The following TCEA1 variants were observed in gnomAD, a reference collection of about 807,000 sequenced individuals.
TCEA1 encodes transcription elongation factor A1.
TCEA1 carries 21 observed loss-of-function variants against 43.8 expected under a neutral mutation model. That is an observed-to-expected ratio of 0.48 (90% CI 0.34 to 0.69). The LOEUF is 0.69. Among genes scored for constraint, TCEA1 ranks in the 30% least tolerant of loss-of-function variants. TCEA1 has a pLI of 0.01. For missense variants in TCEA1, 250 were observed against 365.1 expected (o/e 0.68, Z 2.57); for synonymous variants, 104 against 117.5 (o/e 0.88, Z 0.75).
At chr8:53,993,782 G>C (rs1756246058) in intron 3 of TCEA1, 27 bp from the exon 4 acceptor site, 2 of 1,583,814 alleles carry the variant, frequency 1.3e-6, no homozygotes, top group Non-Finnish European at 1.7e-6. Context: ...CTCTTAAGTT[G>C]CTAGCATTTG....
rs1586017321 is a variant in TCEA1, at chr8:53,997,198, A to G, written c.232+2747T>C. Among the ~76,000 whole-genome samples the G allele has an allele frequency of 3.3e-5, 5 of 152,196 alleles. No homozygotes were observed. The South Asian group carries it at 1.0e-3, about 32-fold the overall frequency. On this transcript the variant is annotated intron_variant, in intron 3 of 9. Coordinates refer to ENST00000521604, the MANE Select transcript of TCEA1 (RefSeq NM_006756.4). ...GCTGAGATTACAGGCGTGAGCCACC[A>G]TGCCTGGCCAGAAGGTTCTTCTTCT...
intron 1 of TCEA1, among the ~76,000 whole-genome samples, chr8:54,012,337 G>A (rs1451074401): frequency 2.0e-5 from 3 of 152,162 alleles, no homozygotes; most frequent in Admixed American, 6.5e-5. Flanking sequence ...CGAGGTGGAT[G>A]GATCACGAGG....
chr8:53,993,503 C>G (rs1317968844), intron 4 of TCEA1, 165 bp downstream of exon 4: 4 of 497,204 alleles, frequency 8.0e-6, no homozygotes, highest in South Asian at 3.4e-5. Flanking sequence ...TTCAAGAAAT[C>G]TGAAAAAAAA....
chr8:53,971,018 G>T (rs1803140799), intron 8 of TCEA1, among the ~76,000 whole-genome samples: 2 of 152,138 alleles, frequency 1.3e-5, no homozygotes, highest in Admixed American at 6.5e-5. Flanking sequence ...GATGTTTAAA[G>T]AGTATAATTT....
At chr8:53,983,601 G>A (rs953644431) in intron 7 of TCEA1, among the ~76,000 whole-genome samples, 2 of 151,996 alleles carry the variant, frequency 1.3e-5, no homozygotes, top group Admixed American at 1.3e-4. Context: ...CCGGGAGGCA[G>A]AGGTTGCAGT....
intron 1 of TCEA1, among the ~76,000 whole-genome samples, chr8:54,015,744 A>G (rs1328071857): frequency 2.0e-5 from 3 of 152,234 alleles, no homozygotes; most frequent in Non-Finnish European, 4.4e-5. Context: ...TTCAGAATAT[A>G]AAGAACTCTT....
intron 3 of TCEA1, among the ~76,000 whole-genome samples, chr8:53,994,726 C>A (rs531068814): frequency 4.6e-5 from 7 of 152,044 alleles, no homozygotes; most frequent in African/African-American, 1.7e-4. Context: ...AAAAAATTAG[C>A]CGGGCGTGGT....
intron 7 of TCEA1, among the ~76,000 whole-genome samples, chr8:53,982,998 A>C (rs1479841954): frequency 1.3e-5 from 2 of 152,226 alleles, no homozygotes; most frequent in Non-Finnish European, 2.9e-5. Flanking sequence ...CAATGCATCA[A>C]ATCTCACTGT....
chr8:53,972,768 G>A, intron 8 of TCEA1: 1 of 713,994 alleles, frequency 1.4e-6, no homozygotes, highest in Non-Finnish European at 2.7e-6. Flanking sequence ...CTATTATGCA[G>A]TAGTAGACTG....
intron 3 of TCEA1, among the ~76,000 whole-genome samples, chr8:53,998,460 C>G (rs971125757): frequency 1.3e-5 from 2 of 151,984 alleles, no homozygotes; most frequent in African/African-American, 4.8e-5. Context: ...TTTCTTTTAG[C>G]CCTACTTGAG....
intron 5 of TCEA1, among the ~76,000 whole-genome samples, chr8:53,987,269 T>C (rs1803717223): frequency 1.3e-5 from 2 of 152,214 alleles, no homozygotes; most frequent in Admixed American, 1.3e-4. Flanking sequence ...AGGAAGTAAC[T>C]GATCTAGCAG....
chr8:53,975,017 G>T (rs1803287471), intron 8 of TCEA1, among the ~76,000 whole-genome samples: 1 of 152,020 alleles, frequency 6.6e-6, no homozygotes, highest in South Asian at 2.1e-4. Flanking sequence ...AAAGATGGAA[G>T]AACTTTTTGT....
Position 54,022,039 on chromosome 8 carries a change from G to T in TCEA1, c.63+24C>A, listed in dbSNP as rs1489819626. On this transcript the variant is annotated intron_variant, in intron 1 of 9. Transcript: ENST00000521604. ...GGACCGCGGCCCGGCCTCCCTCCCG[G>T]CCCGCGCCGCTCGCCGCGCTCACCG... 3 of 1,578,586 alleles carry T rather than the reference G, an allele frequency of 1.9e-6. No homozygotes were observed. The South Asian group carries it at 3.4e-5, about 18-fold the overall frequency.
At chr8:53,992,634 C>T (rs1237920294) in intron 4 of TCEA1, among the ~76,000 whole-genome samples, 4 of 152,124 alleles carry the variant, frequency 2.6e-5, no homozygotes, top group African/African-American at 9.7e-5. Context: ...GGGCCCCTCC[C>T]CACCAGAATT....
chr8:54,021,249 C>T (rs530764275), intron 1 of TCEA1, among the ~76,000 whole-genome samples: 1 of 152,254 alleles, frequency 6.6e-6, no homozygotes, highest in African/African-American at 2.4e-5. Context: ...AAGTGCCACA[C>T]AAATGGGCAA....
intron 1 of TCEA1, 131 bp downstream of exon 1, chr8:54,021,932 G>T: frequency 1.1e-6 from 1 of 886,636 alleles, no homozygotes. Context: ...CCGGGGACGC[G>T]GGCGCGGCGG....
At chr8:54,009,226 T>C (rs1048682889) in intron 2 of TCEA1, among the ~76,000 whole-genome samples, 1 of 150,798 alleles carries the variant, frequency 6.6e-6, no homozygotes, top group Non-Finnish European at 1.5e-5. Context: ...ACACTGTTAA[T>C]GGGAATGTAA....
intron 6 of TCEA1, among the ~76,000 whole-genome samples, chr8:53,986,092 G>C (rs1210911845): frequency 6.6e-6 from 1 of 152,212 alleles, no homozygotes; most frequent in Non-Finnish European, 1.5e-5. Flanking sequence ...TAAGCTAGCA[G>C]ATTACTTAAA....
chr8:53,998,173 G>A (rs930850160), intron 3 of TCEA1, among the ~76,000 whole-genome samples: 2 of 152,138 alleles, frequency 1.3e-5, no homozygotes, highest in Admixed American at 1.3e-4. Flanking sequence ...TTGCTCAGAA[G>A]GATACATGCC....
Sources: gnomAD v4.1 joint callset for allele counts (sites outside exome capture counted in the v4.1 genomes callset) on GRCh38, gnomAD v4.1.1 for gene constraint, MANE v1.5 for transcripts, NCBI Gene and HGNC (gene_info 2026-07-23, HGNC 2026-07-21) for gene names.